The following MDN1 variants were observed in gnomAD, a reference collection of about 807,000 sequenced individuals.
MDN1 encodes the protein midasin AAA ATPase 1, also known as midasin.
Under a neutral mutation model 669.2 loss-of-function variants are expected in MDN1, and 266 were observed. The observed-to-expected ratio is 0.40, with a 90% CI of 0.36 to 0.44. MDN1 has a LOEUF of 0.44. Ranked by LOEUF, MDN1 falls within the 20% of genes least tolerant of loss-of-function variation. MDN1 has a pLI of 1.00. For synonymous variants in MDN1, 2,385 were observed against 2,457.1 expected (o/e 0.97, Z 0.87); for missense variants, 5,940 against 6,754.0 (o/e 0.88, Z 4.22).
At chr6:89,727,793 A>T in intron 37 of MDN1, 40 bp downstream of exon 37, 1 of 1,613,326 alleles carries the variant, frequency 6.2e-7, no homozygotes, top group Non-Finnish European at 8.5e-7. Context: ...CTCCTCACAC[A>T]CATGATCACC....
At chr6:89,817,080 T>G (rs764239471) in intron 1 of MDN1, among the ~76,000 whole-genome samples, 1 of 152,182 alleles carries the variant, frequency 6.6e-6, no homozygotes, top group Non-Finnish European at 1.5e-5. Flanking sequence ...ACCTGTGACT[T>G]GGAAGACCGC....
At chr6:89,739,221 C>T (rs145262717) in intron 32 of MDN1, among the ~76,000 whole-genome samples, 18 of 152,146 alleles carry the variant, frequency 1.2e-4, no homozygotes, top group Admixed American at 3.3e-4. Context: ...GTTAGGCATG[C>T]GAAACTAAAA....
chr6:89,727,427 G>A lies in MDN1; in HGVS notation c.5472+406C>T, dbSNP rs547358299. 2.8e-4 allele frequency among the ~76,000 whole-genome samples: 43 copies of A among 152,212 alleles called. 1 individual carries two copies. In the South Asian group the frequency reaches 7.1e-3, roughly 25 times the overall value. ...AATTTACCCCATATGCACACATAAC[G>A]GATCGTTTCCTCATTTCAGTAGGTC... On this transcript the variant is annotated intron_variant, in intron 37 of 101. Transcript: ENST00000369393.
intron 37 of MDN1, among the ~76,000 whole-genome samples, chr6:89,726,959 T>C (rs953977512): frequency 1.3e-5 from 2 of 152,124 alleles, no homozygotes; most frequent in African/African-American, 4.8e-5. Flanking sequence ...TTGTCGTCCC[T>C]GAATGCAATT....
At chr6:89,764,847 T>C (rs1175738654) in intron 15 of MDN1, among the ~76,000 whole-genome samples, 1 of 152,182 alleles carries the variant, frequency 6.6e-6, no homozygotes, top group Admixed American at 6.5e-5. Context: ...AAACCAAACA[T>C]TTTATTCTAA....
intron 47 of MDN1, 83 bp downstream of exon 47, chr6:89,713,065 T>G: frequency 1.4e-6 from 2 of 1,466,262 alleles, no homozygotes; most frequent in Non-Finnish European, 1.8e-6. Flanking sequence ...GGTCACTGGG[T>G]TGCCACCTTT....
chr6:89,775,937 C>T (rs1281864493), intron 12 of MDN1, among the ~76,000 whole-genome samples: 1 of 152,104 alleles, frequency 6.6e-6, no homozygotes, highest in African/African-American at 2.4e-5. Context: ...GATCCACCCA[C>T]CTCTGCCTCC....
chr6:89,719,070 G>A, intron 41 of MDN1, 40 bp from the exon 42 acceptor site: 1 of 1,613,686 alleles, frequency 6.2e-7, no homozygotes, highest in Non-Finnish European at 8.5e-7. Flanking sequence ...AAGCGTGCCT[G>A]GTAGTGGGAG....
chr6:89,694,561 T>A (rs1209563839), intron 61 of MDN1, among the ~76,000 whole-genome samples: 1 of 152,220 alleles, frequency 6.6e-6, no homozygotes, highest in Non-Finnish European at 1.5e-5. Flanking sequence ...GACTCTTTTT[T>A]AAGACAAGGT....
chr6:89,779,238 G>A (rs1818518541), intron 11 of MDN1, among the ~76,000 whole-genome samples: 1 of 152,182 alleles, frequency 6.6e-6, no homozygotes, highest in African/African-American at 2.4e-5. Context: ...TAGAGTAGAA[G>A]AGAACAATTC....
At chr6:89,807,394 T>C (rs185356824) in intron 1 of MDN1, among the ~76,000 whole-genome samples, 2 of 152,340 alleles carry the variant, frequency 1.3e-5, no homozygotes, top group Admixed American at 6.5e-5. Flanking sequence ...GGGTTTATGG[T>C]TTTTCTCAGC....
At chr6:89,698,303 G>T (rs1245755149) in intron 59 of MDN1, among the ~76,000 whole-genome samples, 1 of 152,210 alleles carries the variant, frequency 6.6e-6, no homozygotes, top group African/African-American at 2.4e-5. Flanking sequence ...GGACAAAGAT[G>T]TATACTAGGA....
At chr6:89,741,047 GATGGTGAAACCCC>G (rs34324298) in intron 31 of MDN1, among the ~76,000 whole-genome samples, 83,158 of 151,848 alleles carry the variant, frequency 0.55, 23,695 homozygotes, top group East Asian at 0.9. Flanking sequence ...ACCTGGCCAA[GATGGTGAAACCCC>G]ATCTCTACTA....
intron 33 of MDN1, among the ~76,000 whole-genome samples, chr6:89,735,309 A>AAT (rs1266124087): frequency 6.6e-6 from 1 of 151,542 alleles, no homozygotes; most frequent in Non-Finnish European, 1.5e-5. Flanking sequence ...TGTAAAAAGC[A>AAT]GTTCATGTGC....
At chr6:89,710,897 A>G (rs1813862927) in intron 49 of MDN1, 103 bp from the exon 50 acceptor site, 2 of 658,472 alleles carry the variant, frequency 3.0e-6, no homozygotes, top group East Asian at 3.2e-5. Flanking sequence ...AATAACCACT[A>G]GTCACATATG....
rs192529231 is a variant in MDN1 at position 89,695,586 on chromosome 6, A to G, written c.9771+19T>C. On this transcript the variant is annotated intron_variant, in intron 61 of 101. Coordinates refer to ENST00000369393, the MANE Select transcript of MDN1 (RefSeq NM_014611.3). This position sits in a 1 kb window ranked among gnomAD's most constrained non-coding sequence, Gnocchi z 4.1. ...ACGTCAGGGAAGGAGCCCATGCTCC[A>G]TACTCTTGCCTCCCATACCTCTTCC... 1,066 of 1,567,178 alleles carry G rather than the reference A, an allele frequency of 6.8e-4. 6 individuals are homozygous for G. The African/African-American group carries it at 0.013, about 19-fold the overall frequency.
rs1372622717 is a variant in MDN1 at position 89,705,646 on chromosome 6, G to C, written c.8148+413C>G. Among the ~76,000 whole-genome samples the C allele has an allele frequency of 2.6e-5, 4 of 152,262 alleles. No individual in the cohort carries two copies. The East Asian group carries it at 7.7e-4, about 29-fold the overall frequency. ...TGAGTGAAAGAATATAAACAAAAAA[G>C]TATATATACTGCATAATTCCACGTA... On this transcript the variant is annotated intron_variant, in intron 53 of 101. Coordinates refer to ENST00000369393, the MANE Select transcript of MDN1 (RefSeq NM_014611.3).
At chr6:89,806,136 C>T (rs1444848856) in intron 1 of MDN1, among the ~76,000 whole-genome samples, 1 of 152,058 alleles carries the variant, frequency 6.6e-6, no homozygotes, top group East Asian at 1.9e-4. Flanking sequence ...GGGGGTCTCA[C>T]TATGTTGCCC....
intron 95 of MDN1, among the ~76,000 whole-genome samples, 159 bp downstream of exon 95, chr6:89,652,033 T>TG (rs1808911131): frequency 6.6e-6 from 1 of 152,238 alleles, no homozygotes; most frequent in African/African-American, 2.4e-5. Context: ...CAGAAACTGA[T>TG]GGACAGATCT....
Sources: gnomAD v4.1 joint callset for allele counts (sites outside exome capture counted in the v4.1 genomes callset) on GRCh38, gnomAD v4.1.1 for gene constraint, Gnocchi (gnomAD v3.1) non-coding constraint, MANE v1.5 for transcripts, NCBI Gene and HGNC (gene_info 2026-07-23, HGNC 2026-07-21) for gene names.